Variants in STK31 observed in about 807,000 individuals in gnomAD.
The protein encoded by STK31 is serine/threonine kinase 31, also known as serine/threonine-protein kinase 31.
Under a neutral mutation model 129.7 loss-of-function variants are expected in STK31, and 89 were observed. The ratio of observed to expected loss-of-function variants is 0.69; its 90% CI spans 0.58 to 0.82. The LOEUF is 0.82. STK31 is among the 40% of genes least tolerant of loss of function. The pLI, the probability that STK31 is intolerant of heterozygous loss-of-function variation, is 0.00. For missense variants in STK31, 1,187 were observed against 1,176.4 expected (o/e 1.01, Z -0.13); for synonymous variants, 448 against 395.3 (o/e 1.13, Z -1.58).
chr7:23,792,617 C>T (rs949570634), intron 22 of STK31, among the ~76,000 whole-genome samples: 1 of 152,048 alleles, frequency 6.6e-6, no homozygotes, highest in Non-Finnish European at 1.5e-5. Context: ...TTAGATTTTA[C>T]AATTAATATA....
chr7:23,737,060 G>C lies in STK31; in HGVS notation c.999G>C (p.Gln333His), dbSNP rs1279578257. Residue 333 changes from glutamine to histidine, a missense_variant, in exon 8 of 24, where the codon CAG becomes CAC. By Grantham distance (24) the Gln-to-His change is conservative. Coordinates refer to ENST00000355870, the MANE Select transcript of STK31 (RefSeq NM_031414.5). ...SYKALELKVE[Q>H]IAQELQQEKA... ...AGGCGTTAGAATTGAAAGTAGAGCA[G>C]ATTGCCCAGGAGCTGCAGGTATGTT... 6.2e-7 allele frequency: 1 copy of C among 1,607,328 alleles called. No individual in the cohort carries two copies. The highest frequency in any genetic ancestry group is 8.5e-7 in the Non-Finnish European group (1 of 1,178,942).
intron 6 of STK31, among the ~76,000 whole-genome samples, chr7:23,732,482 T>G (rs544074351): frequency 1.3e-5 from 2 of 152,320 alleles, no homozygotes; most frequent in Non-Finnish European, 2.9e-5. Flanking sequence ...ATTCTTTTTG[T>G]TAGTTGGAAC....
At chr7:23,798,752 C>A (rs1792170246) in intron 22 of STK31, among the ~76,000 whole-genome samples, 1 of 152,100 alleles carries the variant, frequency 6.6e-6, no homozygotes, top group African/African-American at 2.4e-5. Flanking sequence ...CTGATCAGGG[C>A]AATCAGGCAA....
intron 23 of STK31, among the ~76,000 whole-genome samples, chr7:23,824,144 G>A (rs1185248984): frequency 1.3e-5 from 2 of 152,164 alleles, no homozygotes; most frequent in African/African-American, 2.4e-5. Flanking sequence ...GAAAGTCATT[G>A]GTAGCTCGAT....
chr7:23,758,317 C>A (rs942872478), intron 10 of STK31, among the ~76,000 whole-genome samples: 2 of 151,974 alleles, frequency 1.3e-5, no homozygotes, highest in African/African-American at 4.8e-5. Context: ...AGTGGTGATA[C>A]CCCTTTAACA....
At chr7:23,792,551 A>G (rs1343583908) in intron 22 of STK31, among the ~76,000 whole-genome samples, 1 of 152,202 alleles carries the variant, frequency 6.6e-6, no homozygotes, top group African/African-American at 2.4e-5. Flanking sequence ...TATAGATTCG[A>G]TGCAATTTCA....
chr7:23,753,717 C>T (rs979074223), intron 9 of STK31, among the ~76,000 whole-genome samples: 1 of 152,190 alleles, frequency 6.6e-6, no homozygotes, highest in East Asian at 1.9e-4. Flanking sequence ...CTGTCACCCA[C>T]TCATTCACCA....
intron 22 of STK31, among the ~76,000 whole-genome samples, chr7:23,813,071 C>G (rs921238079): frequency 7.9e-6 from 1 of 127,354 alleles, no homozygotes; most frequent in Non-Finnish European, 1.6e-5. Flanking sequence ...CCTTGAGGCT[C>G]TCTGTTCTTT....
chr7:23,720,026 T>C (rs1786595183), intron 4 of STK31, among the ~76,000 whole-genome samples: 1 of 152,156 alleles, frequency 6.6e-6, no homozygotes, highest in Non-Finnish European at 1.5e-5. Context: ...ATGTCTGTTT[T>C]CAGGCCTTAC....
intron 1 of STK31, chr7:23,710,731 T>G: frequency 9.4e-7 from 1 of 1,065,026 alleles, no homozygotes; most frequent in Non-Finnish European, 1.1e-6. Flanking sequence ...GATCTCTGTT[T>G]GCAGAAAGTG....
intron 22 of STK31, among the ~76,000 whole-genome samples, chr7:23,807,594 G>A (rs980713763): frequency 6.6e-5 from 10 of 152,124 alleles, no homozygotes; most frequent in African/African-American, 2.4e-4. Context: ...TTCAACAAAT[G>A]TGGGAAGTTC....
At chr7:23,738,487 A>G (rs1376563366) in intron 8 of STK31, among the ~76,000 whole-genome samples, 1 of 152,066 alleles carries the variant, frequency 6.6e-6, no homozygotes. Flanking sequence ...TCCCGGACTC[A>G]AGCAATCCAC....
chr7:23,769,607 G>A (rs766070089), intron 12 of STK31, 33 bp from the exon 13 acceptor site: 2 of 1,378,702 alleles, frequency 1.5e-6, no homozygotes, highest in Admixed American at 1.7e-5. Flanking sequence ...TGAATTAAAT[G>A]AGATATTTCA....
At chr7:23,814,851 T>G (rs891374834) in intron 22 of STK31, among the ~76,000 whole-genome samples, 1 of 152,144 alleles carries the variant, frequency 6.6e-6, no homozygotes, top group African/African-American at 2.4e-5. Context: ...TGAGTATTGG[T>G]GAGGCTAACA....
intron 9 of STK31, among the ~76,000 whole-genome samples, chr7:23,753,702 C>T (rs945792711): frequency 7.2e-5 from 11 of 152,308 alleles, no homozygotes; most frequent in African/African-American, 2.2e-4. Flanking sequence ...CTTGATTTAA[C>T]CCTACTGTCA....
intron 4 of STK31, among the ~76,000 whole-genome samples, chr7:23,725,590 C>T (rs1156783609): frequency 3.3e-5 from 5 of 151,950 alleles, no homozygotes; most frequent in African/African-American, 1.2e-4. Flanking sequence ...CCTTCCCAAT[C>T]CAATCATGGC....
At chr7:23,785,914 A>ATGAGTTAATACCTAAT (rs1791252189) in intron 18 of STK31, among the ~76,000 whole-genome samples, 1 of 152,204 alleles carries the variant, frequency 6.6e-6, no homozygotes, top group Non-Finnish European at 1.5e-5. Flanking sequence ...TAATGGGTGC[A>ATGAGTTAATACCTAAT]GCAAACCAAC....
intron 22 of STK31, among the ~76,000 whole-genome samples, chr7:23,814,188 C>T (rs1341581334): frequency 2.0e-5 from 2 of 98,520 alleles, no homozygotes; most frequent in Non-Finnish European, 3.9e-5. Flanking sequence ...TATAAGACAA[C>T]CTGTTACTAT....
chr7:23,781,602 G>A, intron 16 of STK31, 82 bp downstream of exon 16: 1 of 941,266 alleles, frequency 1.1e-6, no homozygotes. Context: ...GAAGTGGACT[G>A]TAATCACAAG....
Sources: gnomAD v4.1 joint callset for allele counts (sites outside exome capture counted in the v4.1 genomes callset) on GRCh38, gnomAD v4.1.1 for gene constraint, MANE v1.5 for transcripts, NCBI Gene and HGNC (gene_info 2026-07-23, HGNC 2026-07-21) for gene names.